Variants in ACKR2 observed in about 807,000 individuals in gnomAD.
ACKR2 encodes atypical chemokine receptor 2.
For missense variants in ACKR2, 457 were observed against 477.3 expected, an observed-to-expected ratio of 0.96 and a Z score of 0.40; for synonymous variants, 207 against 192.2, an observed-to-expected ratio of 1.08 and a Z score of -0.64.
At chr3:42,812,692 T>TTTTTA (rs1700708174) in intron 1 of ACKR2, among the ~76,000 whole-genome samples, 1 of 129,748 alleles carries the variant, frequency 7.7e-6, no homozygotes, top group Non-Finnish European at 1.6e-5. Context: ...TTTTTTTTTT[T>TTTTTA]TTTTTTTTTT....
At chr3:42,839,768 T>TC (rs1402892459) in intron 2 of ACKR2, among the ~76,000 whole-genome samples, 2 of 152,168 alleles carry the variant, frequency 1.3e-5, no homozygotes, top group Non-Finnish European at 2.9e-5. Flanking sequence ...GATCGGATGC[T>TC]CCAGCTCTCT....
chr3:42,822,957 G>A (rs1004447984), intron 2 of ACKR2, among the ~76,000 whole-genome samples: 1 of 151,814 alleles, frequency 6.6e-6, no homozygotes, highest in Non-Finnish European at 1.5e-5. Flanking sequence ...CCTCTCTGTA[G>A]TCTTGGCTGT....
chr3:42,820,365 G>A (rs946377944), intron 2 of ACKR2, among the ~76,000 whole-genome samples: 17 of 151,934 alleles, frequency 1.1e-4, no homozygotes, highest in African/African-American at 1.9e-4. Flanking sequence ...AGTCTGAGGC[G>A]GATGGATCAC....
chr3:42,856,033 C>A (rs1042110804), intron 2 of ACKR2: 3 of 270,864 alleles, frequency 1.1e-5, no homozygotes, highest in Non-Finnish European at 2.1e-5. Context: ...CTCCTCACAT[C>A]CTCCTTCTGC....
intron 2 of ACKR2, among the ~76,000 whole-genome samples, chr3:42,862,363 A>T (rs981496992): frequency 6.6e-6 from 1 of 152,348 alleles, no homozygotes; most frequent in East Asian, 1.9e-4. Flanking sequence ...ATAAGAGAAG[A>T]CACAAACAAA....
Position 42,865,664 on chromosome 3 carries a change from A to G in ACKR2, c.*7A>G, listed in dbSNP as rs773529043. 6.3e-7 allele frequency: 1 copy of G among 1,596,730 alleles called. No homozygotes were observed. Among genetic ancestry groups the G allele is most frequent in the East Asian group, 2.2e-5 (1 of 44,772 alleles). ...GGGGAATAAATCAGCCTGAGTGACC[A>G]AATTTTGGTCTGGTGGGAACAGATG... On this transcript the variant is annotated 3_prime_UTR_variant, in exon 3 of 3. Transcript: ENST00000422265.
intron 2 of ACKR2, among the ~76,000 whole-genome samples, chr3:42,838,566 G>C (rs1193159763): frequency 6.6e-6 from 1 of 152,202 alleles, no homozygotes; most frequent in African/African-American, 2.4e-5. Context: ...AGGAGAATGT[G>C]AAACAATTGT....
chr3:42,812,969 A>G (rs956124278), intron 1 of ACKR2, among the ~76,000 whole-genome samples: 7 of 152,154 alleles, frequency 4.6e-5, no homozygotes, highest in African/African-American at 1.7e-4. Flanking sequence ...GATTACAGGC[A>G]TGAGCCACTA....
intron 2 of ACKR2, among the ~76,000 whole-genome samples, chr3:42,853,353 C>T (rs1429400646): frequency 1.3e-5 from 2 of 152,078 alleles, no homozygotes; most frequent in African/African-American, 4.8e-5. Flanking sequence ...AAATGGGGCC[C>T]ATTTTATAAG....
At chr3:42,813,839 G>A (rs1037841432) in intron 1 of ACKR2, among the ~76,000 whole-genome samples, 4 of 152,168 alleles carry the variant, frequency 2.6e-5, no homozygotes, top group Non-Finnish European at 5.9e-5. Flanking sequence ...GCTCTGTTGA[G>A]GAATAGATGG....
chr3:42,832,687 C>T (rs754084427), intron 2 of ACKR2, among the ~76,000 whole-genome samples: 3 of 151,926 alleles, frequency 2.0e-5, no homozygotes, highest in East Asian at 1.9e-4. Context: ...CCATATGATC[C>T]GTATGTGTCA....
At chr3:42,839,955 G>T (rs1365244640) in intron 2 of ACKR2, among the ~76,000 whole-genome samples, 1 of 152,034 alleles carries the variant, frequency 6.6e-6, no homozygotes, top group African/African-American at 2.4e-5. Flanking sequence ...GCAGATCCTG[G>T]GCTCAGAAAT....
intron 2 of ACKR2, among the ~76,000 whole-genome samples, chr3:42,863,785 C>T (rs371758422): frequency 6.6e-6 from 1 of 152,118 alleles, no homozygotes; most frequent in South Asian, 2.1e-4. Flanking sequence ...TGCATGTTCT[C>T]ACTCATAAGT....
chr3:42,825,424 A>G (rs1380514291), intron 2 of ACKR2, among the ~76,000 whole-genome samples: 1 of 152,062 alleles, frequency 6.6e-6, no homozygotes. Context: ...CTTGCACTTC[A>G]TTTGTTAAAT....
intron 1 of ACKR2, among the ~76,000 whole-genome samples, 191 bp from the exon 2 acceptor site, chr3:42,819,440 G>C (rs868864801): frequency 6.1e-5 from 4 of 65,990 alleles, no homozygotes; most frequent in African/African-American, 3.5e-4. Context: ...ACTGTTTCCT[G>C]GCTCTTTCCA....
chr3:42,851,012 T>A (rs556374070), intron 2 of ACKR2: 1 of 152,316 alleles, frequency 6.6e-6, no homozygotes, highest in Non-Finnish European at 1.5e-5. Flanking sequence ...TGAGAAGGTA[T>A]CCAGGATGAA....
chr3:42,817,640 T>C (rs984247259), intron 1 of ACKR2, among the ~76,000 whole-genome samples: 1 of 152,170 alleles, frequency 6.6e-6, no homozygotes, highest in African/African-American at 2.4e-5. Flanking sequence ...TCTTCATCCT[T>C]TCTCCAGCTA....
intron 2 of ACKR2, 34 bp from the exon 3 acceptor site, chr3:42,864,432 G>C: frequency 6.6e-7 from 1 of 1,517,586 alleles, no homozygotes; most frequent in Non-Finnish European, 8.8e-7. Flanking sequence ...GAAAGGTAGA[G>C]AATGCTAGGT....
Position 42,864,587 on chromosome 3 carries a change from G to C in ACKR2, c.85G>C (p.Asp29His), listed in dbSNP as rs1291823939. 2.5e-6 allele frequency: 4 copies of C among 1,614,188 alleles called. No homozygotes were observed. The highest frequency in any genetic ancestry group is 3.4e-6 in the Non-Finnish European group (4 of 1,180,032). ...NSSFYYYDYL[D>H]EVAFMLCRKD... ...CAGCTTCTATTACTATGACTACCTG[G>C]ATGAAGTGGCCTTCATGCTCTGCAG... The change falls in exon 3 of 3, where the codon GAT becomes CAT. Residue 29 changes from aspartate to histidine, a missense_variant. Asp to His is a moderately conservative substitution (Grantham distance 81). Coordinates refer to ENST00000422265, the MANE Select transcript of ACKR2 (RefSeq NM_001296.5).
Sources: gnomAD v4.1 joint callset for allele counts (sites outside exome capture counted in the v4.1 genomes callset) on GRCh38, gnomAD v4.1.1 for gene constraint, MANE v1.5 for transcripts, NCBI Gene and HGNC (gene_info 2026-07-23, HGNC 2026-07-21) for gene names.